Variants in MRPS9 observed in about 807,000 individuals in gnomAD.
MRPS9 encodes the protein mitochondrial ribosomal protein S9.
In MRPS9, 45 loss-of-function variants were observed where a neutral mutation model predicts 59.9. The ratio of observed to expected loss-of-function variants is 0.75; its 90% confidence interval spans 0.59 to 0.96. The LOEUF (loss-of-function observed/expected upper bound fraction) is 0.96. Ranked by LOEUF, MRPS9 falls within the 40% of genes least tolerant of loss-of-function variation. The probability of loss-of-function intolerance (pLI) is 0.00; values close to 1 mark genes in which losing one functional copy is unlikely to be tolerated. For missense variants in MRPS9, 473 were observed against 481.1 expected (o/e 0.98, Z 0.16); for synonymous variants, 171 against 166.8 (o/e 1.03, Z -0.19).
At chr2:105,077,494 G>C (rs1680236490) in intron 4 of MRPS9, among the ~76,000 whole-genome samples, 1 of 151,992 alleles carries the variant, frequency 6.6e-6, no homozygotes, top group Admixed American at 6.6e-5. Flanking sequence ...GTAAAAAAAT[G>C]GTGTATGTAG....
chr2:105,048,449 A>G (rs901354528), intron 1 of MRPS9, among the ~76,000 whole-genome samples: 1 of 151,840 alleles, frequency 6.6e-6, no homozygotes, highest in African/African-American at 2.4e-5. Flanking sequence ...ACATGTATAC[A>G]TATGTAACTA....
intron 2 of MRPS9, among the ~76,000 whole-genome samples, chr2:105,053,331 AG>A (rs769367801): frequency 1.6e-4 from 24 of 152,188 alleles, no homozygotes; most frequent in Non-Finnish European, 3.1e-4. Context: ...CATAGTTAAA[AG>A]TCTAGGCTCA....
chr2:105,075,025 C>T (rs939663085), intron 4 of MRPS9, among the ~76,000 whole-genome samples: 1 of 152,180 alleles, frequency 6.6e-6, no homozygotes, highest in African/African-American at 2.4e-5. Context: ...TGTTTTTCTG[C>T]AACTACATTG....
chr2:105,080,781 C>T (rs767572798), intron 5 of MRPS9, among the ~76,000 whole-genome samples: 10 of 152,168 alleles, frequency 6.6e-5, no homozygotes, highest in Non-Finnish European at 1.3e-4. Context: ...CCCCCATCTA[C>T]AGTCAGATTG....
intron 2 of MRPS9, among the ~76,000 whole-genome samples, chr2:105,058,680 T>C (rs6725823): frequency 0.2 from 30,382 of 148,932 alleles, 3,144 homozygotes; most frequent in Middle Eastern, 0.35. Flanking sequence ...ATGAGTTTCT[T>C]TTTTTTTTTT....
intron 1 of MRPS9, 46 bp downstream of exon 1, chr2:105,038,273 G>T (rs1051599382): frequency 3.2e-6 from 5 of 1,584,900 alleles, no homozygotes; most frequent in Non-Finnish European, 4.3e-6. Context: ...GCCGCGCGAG[G>T]ATGTGGAGCC....
In MRPS9 at chr2:105,049,243, A is replaced by G. The variant is rs765894921; in HGVS notation, c.208A>G (p.Thr70Ala). The G allele has an allele frequency of 2.5e-6, 4 of 1,613,628 alleles. No homozygotes were observed. The East Asian group carries it at 8.9e-5, about 36-fold the overall frequency. The change falls in exon 2 of 11, where the codon ACA becomes GCA. Residue 70 changes from threonine (T) to alanine (A), a missense_variant. Physicochemically the swap from Thr to Ala is moderately conservative, Grantham distance 58 (BLOSUM62 0). Coordinates refer to ENST00000258455, the MANE Select transcript of MRPS9 (RefSeq NM_182640.3). The part of the protein sequence containing the change: ...NVPTSKRETY[T>A]EDFIKKQIEE... ...TCCTACCTCAAAACGTGAAACTTAC[A>G]CAGAGGATTTTATTAAAAAGCAGAT...
intron 5 of MRPS9, among the ~76,000 whole-genome samples, chr2:105,087,211 T>G (rs1680465517): frequency 6.6e-6 from 1 of 151,680 alleles, no homozygotes; most frequent in African/African-American, 2.4e-5. Context: ...GGGTGGACAG[T>G]TGGCTTTTGT....
chr2:105,092,394 T>G lies in MRPS9; in HGVS notation c.652-7T>G. The G allele has an allele frequency of 6.3e-7, 1 of 1,590,260 alleles. No individual in the cohort carries two copies. The highest frequency in any genetic ancestry group is 8.5e-7 in the Non-Finnish European group (1 of 1,172,262). ...TGCACCTTCTAATGAATTTTTATTGTCTGCAGTATATGCAGTTCATTCGGC... is the reference window on the plus strand; with the variant it reads ...TGCACCTTCTAATGAATTTTTATTGGCTGCAGTATATGCAGTTCATTCGGC... On this transcript the variant is annotated splice_polypyrimidine_tract_variant and splice_region_variant and intron_variant, in intron 7 of 10. Transcript: ENST00000258455.
At chr2:105,071,069 C>T (rs771562718) in intron 2 of MRPS9, among the ~76,000 whole-genome samples, 2 of 152,206 alleles carry the variant, frequency 1.3e-5, no homozygotes, top group Non-Finnish European at 1.5e-5. Flanking sequence ...TTTGTGCTCT[C>T]ATATTCAAGG....
chr2:105,038,426 T>C, intron 1 of MRPS9, 199 bp downstream of exon 1: 1 of 658,294 alleles, frequency 1.5e-6, no homozygotes, highest in South Asian at 2.0e-5. Flanking sequence ...TACTTGTTTT[T>C]TTGCGGGGTG....
intron 5 of MRPS9, among the ~76,000 whole-genome samples, chr2:105,083,111 C>T (rs1680379905): frequency 6.6e-6 from 1 of 152,060 alleles, no homozygotes; most frequent in South Asian, 2.1e-4. Flanking sequence ...GTTTGCTTTT[C>T]AGACATGATT....
chr2:105,069,276 G>A (rs562756067), intron 2 of MRPS9, among the ~76,000 whole-genome samples: 5 of 148,616 alleles, frequency 3.4e-5, no homozygotes, highest in African/African-American at 9.9e-5. Flanking sequence ...GTGCAATGGC[G>A]CGATCTCAGC....
chr2:105,098,862 C>G (rs2104473842), intron 10 of MRPS9, among the ~76,000 whole-genome samples: 1 of 152,294 alleles, frequency 6.6e-6, no homozygotes, highest in East Asian at 1.9e-4. Context: ...AATGTAAGAG[C>G]TTTCCCATCA....
chr2:105,057,804 G>A (rs1192244690), intron 2 of MRPS9, among the ~76,000 whole-genome samples: 2 of 152,152 alleles, frequency 1.3e-5, no homozygotes, highest in Non-Finnish European at 2.9e-5. Flanking sequence ...GAAGCATGTA[G>A]TTGTTATAAA....
intron 7 of MRPS9, chr2:105,092,007 C>G: frequency 1.3e-5 from 2 of 158,334 alleles, no homozygotes; most frequent in Middle Eastern, 6.4e-3. Context: ...CAAACTCTTT[C>G]CATATTACTA....
At chr2:105,049,454 C>T (rs1167653468) in intron 2 of MRPS9, 104 bp downstream of exon 2, 1 of 976,008 alleles carries the variant, frequency 1.0e-6, no homozygotes, top group East Asian at 2.6e-5. Context: ...ATCAAGCTGT[C>T]AGAATAAGGA....
intron 2 of MRPS9, among the ~76,000 whole-genome samples, chr2:105,065,947 AAAAGAAAAAG>A (rs150961553): frequency 0.19 from 29,505 of 151,942 alleles, 3,003 homozygotes; most frequent in Middle Eastern, 0.34. Flanking sequence ...TTTGTAAAAG[AAAAGAAAAAG>A]AAAGAAAAAG....
chr2:105,089,755 G>A (rs1004084585), intron 6 of MRPS9, among the ~76,000 whole-genome samples, 165 bp from the exon 7 acceptor site: 2 of 152,104 alleles, frequency 1.3e-5, no homozygotes, highest in Non-Finnish European at 2.9e-5. Context: ...GTAGATTGAG[G>A]AAATGGAATG....
Sources: allele counts gnomAD v4.1 joint callset (sites outside exome capture counted in the v4.1 genomes callset), GRCh38; gene constraint gnomAD v4.1.1; transcripts MANE v1.5; gene names NCBI Gene and HGNC (gene_info 2026-07-23, HGNC 2026-07-21).